The following DEPDC1 variants were observed in gnomAD, a reference collection of about 807,000 sequenced individuals.
DEPDC1 encodes the protein DEP domain-containing protein 1A.
A neutral mutation model predicts 86.8 loss-of-function variants in DEPDC1; 66 were observed. The ratio of observed to expected loss-of-function variants is 0.76; its 90% CI spans 0.62 to 0.93. The LOEUF is 0.93. Among genes scored for constraint, DEPDC1 ranks in the 40% least tolerant of loss-of-function variants. DEPDC1 has a pLI of 0.00. For synonymous variants in DEPDC1, 255 were observed against 314.9 expected (o/e 0.81, Z 2.02); for missense variants, 792 against 935.7 (o/e 0.85, Z 2.00).
At chr1:68,491,679 TATTTC>T (rs1287151782) in intron 2 of DEPDC1, among the ~76,000 whole-genome samples, 6 of 152,166 alleles carry the variant, frequency 3.9e-5, no homozygotes, top group Non-Finnish European at 8.8e-5. Flanking sequence ...CCTATAGTTG[TATTTC>T]TTTTCCATGC....
chr1:68,490,625 G>C (rs1254983111), intron 2 of DEPDC1, among the ~76,000 whole-genome samples: 1 of 152,042 alleles, frequency 6.6e-6, no homozygotes, highest in Non-Finnish European at 1.5e-5. Context: ...CCTAGTAAAG[G>C]GATTGTTAGG....
At chr1:68,495,252 A>G (rs546245564) in intron 1 of DEPDC1, among the ~76,000 whole-genome samples, 2 of 152,340 alleles carry the variant, frequency 1.3e-5, no homozygotes, top group East Asian at 3.9e-4. Context: ...TGGCTGATCT[A>G]AGATCCTTAT....
At chr1:68,488,033 T>C (rs72674352) in intron 5 of DEPDC1, among the ~76,000 whole-genome samples, 10,986 of 151,882 alleles carry the variant, frequency 0.072, 527 homozygotes, top group African/African-American at 0.14. Context: ...ATCTTACTTA[T>C]CATTAATCTT....
chr1:68,486,182 T>A (rs1373543699), intron 6 of DEPDC1, among the ~76,000 whole-genome samples: 2 of 151,920 alleles, frequency 1.3e-5, no homozygotes. Context: ...GTGTTGGAGG[T>A]GGGGCCTGGT....
Position 68,496,900 on chromosome 1 carries a change from T to G in DEPDC1, c.48+52A>C. 6.3e-7 allele frequency: 1 copy of G among 1,587,564 alleles called. No individual in the cohort carries two copies. The highest frequency in any genetic ancestry group is 8.6e-7 in the Non-Finnish European group (1 of 1,159,818). Reference sequence around the variant, plus strand: ...ACGGTCGAGGTAAAACTGCGAACAGTGGTGACTGCCGTCAGCCCGCTGACC... The same window carrying G: ...ACGGTCGAGGTAAAACTGCGAACAGGGGTGACTGCCGTCAGCCCGCTGACC... On this transcript the variant is annotated intron_variant, in intron 1 of 11. Transcript: ENST00000456315. This position sits in a 1 kb window ranked among gnomAD's most constrained non-coding sequence, Gnocchi z 4.0.
chr1:68,479,622 G>A (rs1370025411), intron 9 of DEPDC1, among the ~76,000 whole-genome samples: 2 of 152,010 alleles, frequency 1.3e-5, no homozygotes, highest in African/African-American at 4.8e-5. Context: ...AGGCAACATA[G>A]TGAAACCCTA....
intron 6 of DEPDC1, 30 bp from the exon 7 acceptor site, chr1:68,484,120 A>T: frequency 6.8e-7 from 1 of 1,470,996 alleles, no homozygotes; most frequent in South Asian, 1.4e-5. Context: ...AGAAAAAGGT[A>T]AAGTATATTT....
chr1:68,479,150 CT>C lies in DEPDC1; in HGVS notation c.2105del (p.Lys702ArgfsTer45). 6.2e-7 allele frequency: 1 copy of C among 1,606,888 alleles called. No individual in the cohort carries two copies. The highest frequency in any genetic ancestry group is 1.3e-5 in the African/African-American group (1 of 74,478). ...TAAGACTCACAATACTTACATGTCC[CT>C]TTTTTAAGTAGTCAAGATGTTTTTC... ...AVEKHLDYLKKGHIENPGDGL... is the reference protein window; with the variant it reads ...AVEKHLDYLKXGHIENPGDGL... On this transcript the variant is annotated frameshift_variant, in exon 10 of 12. Transcript: ENST00000456315. LOFTEE classifies it high-confidence loss of function.
rs1312477556 is a variant in DEPDC1 at position 68,477,017 on chromosome 1, C to A, written c.2351G>T (p.Ser784Ile). The A allele has an allele frequency of 1.9e-6, 3 of 1,607,516 alleles. No homozygotes were observed. The highest frequency in any genetic ancestry group is 2.2e-5 in the East Asian group (1 of 44,674). The stretch of plus-strand genomic sequence containing the variant: ...TTTGTCACCAAAAAGTGCTGCTTCA[C>A]TCTCCGTGGTTGGAAATCTTTTCTG... Reference protein sequence around the residue: ...IYQKRFPTTESEAALFGDKPT... With the variant: ...IYQKRFPTTEIEAALFGDKPT... Residue 784 changes from serine (S) to isoleucine (I), a missense_variant, in exon 12 of 12, where the codon AGT becomes ATT. By Grantham distance (142) the Ser-to-Ile change is moderately radical. Transcript: ENST00000456315.
chr1:68,484,075 T>C lies in DEPDC1; in HGVS notation c.785A>G (p.Asp262Gly). 2 of 1,571,300 alleles carry C rather than the reference T, an allele frequency of 1.3e-6. No individual in the cohort carries two copies. Among genetic ancestry groups the C allele is most frequent in the African/African-American group, 2.8e-5 (2 of 72,206 alleles). ...TCCAACATAAGTTGGATTATTCATA[T>C]CATTGCTTCTTGGCCCTAAGAAGTA... ...KCLANWPRSN[D>G]MNNPTYVGFE... The change falls in exon 7 of 12, where the codon GAT becomes GGT. Residue 262 changes from aspartate to glycine, a missense_variant. Coordinates refer to ENST00000456315, the MANE Select transcript of DEPDC1 (RefSeq NM_001114120.3).
At chr1:68,477,667 A>G (rs1266639224) in intron 11 of DEPDC1, 120 bp downstream of exon 11, 1 of 652,380 alleles carries the variant, frequency 1.5e-6, no homozygotes, top group African/African-American at 1.8e-5. Context: ...TATAGTCTAT[A>G]TAACTCAAAC....
Position 68,474,408 on chromosome 1 carries a change from A to G in DEPDC1, c.*2524T>C, listed in dbSNP as rs376976950. ...TGTACATTCCATTACTAAATGCCACATAACTGTTTGGATAACATAAGAAGA... is the reference window on the plus strand; with the variant it reads ...TGTACATTCCATTACTAAATGCCACGTAACTGTTTGGATAACATAAGAAGA... On this transcript the variant is annotated 3_prime_UTR_variant, in exon 12 of 12. Transcript: ENST00000456315. The G allele has an allele frequency of 6.6e-6, 1 of 152,226 alleles. No homozygotes were observed. Among genetic ancestry groups the G allele is most frequent in the South Asian group, 2.1e-4 (1 of 4,832 alleles). The allele number at this position is 152,226 out of a possible 1,614,324, so 9.4% of individuals were successfully genotyped here.
chr1:68,488,909 A>G lies in DEPDC1; in HGVS notation c.590+7T>C. ...AGGAACTTCATTAAAGCTTAATTTT[A>G]TCTTACTAGATCAGAATAACATATC... On this transcript the variant is annotated splice_region_variant and intron_variant, in intron 4 of 11. Transcript: ENST00000456315. The G allele has an allele frequency of 6.7e-7, 1 of 1,499,888 alleles. No homozygotes were observed. The highest frequency in any genetic ancestry group is 9.3e-7 in the Non-Finnish European group (1 of 1,079,226). 92.9% of individuals were successfully genotyped at this position (1,499,888 alleles called of 1,614,324 possible). A position where few individuals can be genotyped will look rare whatever the true frequency, so the allele number is the denominator to read the frequency against.
chr1:68,478,609 C>T (rs1377651119), intron 10 of DEPDC1, among the ~76,000 whole-genome samples: 5 of 151,922 alleles, frequency 3.3e-5, no homozygotes, highest in Admixed American at 2.6e-4. Flanking sequence ...AGACAGAATA[C>T]AGTAGATGTC....
chr1:68,488,597 T>C, intron 4 of DEPDC1, 93 bp from the exon 5 acceptor site: 1 of 1,111,586 alleles, frequency 9.0e-7, no homozygotes, highest in Non-Finnish European at 1.3e-6. Context: ...AATATTTTAT[T>C]TTTTTAACCA....
intron 2 of DEPDC1, among the ~76,000 whole-genome samples, chr1:68,493,259 T>C (rs981586925): frequency 7.2e-5 from 11 of 152,180 alleles, no homozygotes; most frequent in African/African-American, 2.7e-4. Context: ...TCATTTTTGG[T>C]ACATAGGAAA....
chr1:68,484,937 C>CATAT (rs71581173), intron 6 of DEPDC1, among the ~76,000 whole-genome samples: 9,326 of 147,720 alleles, frequency 0.063, 347 homozygotes, highest in African/African-American at 0.11. Flanking sequence ...CTTCTGGAGG[C>CATAT]ATATATATAT....
At chr1:68,488,628 A>G in intron 4 of DEPDC1, 124 bp from the exon 5 acceptor site, 1 of 797,546 alleles carries the variant, frequency 1.3e-6, no homozygotes, top group Non-Finnish European at 1.9e-6. Flanking sequence ...ACTTATATTT[A>G]GTATCCCCTT....
chr1:68,488,070 C>A (rs1039529733), intron 5 of DEPDC1, among the ~76,000 whole-genome samples: 1 of 151,720 alleles, frequency 6.6e-6, no homozygotes, highest in African/African-American at 2.4e-5. Flanking sequence ...GTGTTGGAGG[C>A]CCTCAACAAA....
Sources: allele counts gnomAD v4.1 joint callset (sites outside exome capture counted in the v4.1 genomes callset), GRCh38; gene constraint gnomAD v4.1.1; non-coding constraint Gnocchi (gnomAD v3.1); transcripts MANE v1.5; gene names NCBI Gene and HGNC (gene_info 2026-07-23, HGNC 2026-07-21).